RBFOX1: variants seen among roughly 807,000 people sequenced by gnomAD.
RBFOX1 encodes the protein RNA binding protein fox-1 homolog 1.
Under a neutral mutation model 57.7 loss-of-function variants are expected in RBFOX1, and 8 were observed. The ratio of observed to expected loss-of-function variants is 0.14; its 90% CI spans 0.08 to 0.25. The LOEUF (loss-of-function observed/expected upper bound fraction) is 0.25. Ranked by LOEUF, RBFOX1 falls within the 10% of genes least tolerant of loss-of-function variation. RBFOX1 has a pLI of 1.00. For synonymous variants in RBFOX1, 326 were observed against 222.4 expected, an observed-to-expected ratio of 1.47 and a Z score of -4.15; for missense variants, 611 against 548.5, an observed-to-expected ratio of 1.11 and a Z score of -1.14.
intron 2 of RBFOX1, among the ~76,000 whole-genome samples, chr16:6,452,101 T>C (rs140988607): frequency 0.02 from 2,886 of 144,118 alleles, 55 homozygotes; most frequent in Non-Finnish European, 0.029. Flanking sequence ...CTTCCTTCCA[T>C]GGCTCCATCC....
intron 3 of RBFOX1, among the ~76,000 whole-genome samples, chr16:7,003,031 C>G: frequency 7.5e-6 from 1 of 133,652 alleles, no homozygotes; most frequent in South Asian, 2.5e-4. Context: ...TTTTCTTCTT[C>G]TTTTTTCTCT....
chr16:6,784,732 G>C (rs888860693), intron 3 of RBFOX1, among the ~76,000 whole-genome samples: 1 of 151,910 alleles, frequency 6.6e-6, no homozygotes, highest in African/African-American at 2.4e-5. Flanking sequence ...TGTGTGGATA[G>C]TTGTTCAATT....
chr16:7,210,922 A>G (rs2090999637), intron 4 of RBFOX1, among the ~76,000 whole-genome samples: 1 of 151,744 alleles, frequency 6.6e-6, no homozygotes, highest in Non-Finnish European at 1.5e-5. Context: ...AAAGAAAAAA[A>G]AATTTCAAGA....
chr16:7,306,125 A>G (rs1015569127), intron 4 of RBFOX1, among the ~76,000 whole-genome samples: 2 of 152,176 alleles, frequency 1.3e-5, no homozygotes, highest in African/African-American at 2.4e-5. Context: ...GTAGAATGCT[A>G]TAGGTACTCA....
intron 5 of RBFOX1, among the ~76,000 whole-genome samples, chr16:7,536,986 A>G (rs942049928): frequency 1.6e-4 from 24 of 152,178 alleles, no homozygotes; most frequent in African/African-American, 5.5e-4. Flanking sequence ...CAAGTTGAGG[A>G]TAAACAGGTG....
At chr16:7,702,438 G>A (rs944219631) in intron 14 of RBFOX1, among the ~76,000 whole-genome samples, 15 of 152,186 alleles carry the variant, frequency 9.9e-5, no homozygotes, top group African/African-American at 3.1e-4. Flanking sequence ...TCTTTCAGTA[G>A]GACTGTGAGA....
At chr16:6,057,459 C>G (rs2095628346) in intron 1 of RBFOX1, among the ~76,000 whole-genome samples, 1 of 151,924 alleles carries the variant, frequency 6.6e-6, no homozygotes, top group African/African-American at 2.4e-5. Flanking sequence ...TTTATTCAAC[C>G]AATATTTATT....
intron 3 of RBFOX1, among the ~76,000 whole-genome samples, chr16:6,926,977 G>C (rs2075705556): frequency 6.6e-6 from 1 of 152,094 alleles, no homozygotes; most frequent in African/African-American, 2.4e-5. Context: ...GCCTCTGCCA[G>C]CTTCTCAGAC....
At chr16:5,839,751 C>A (rs1409845957) in intron 3 of RBFOX1, among the ~76,000 whole-genome samples, 2 of 152,180 alleles carry the variant, frequency 1.3e-5, no homozygotes, top group Non-Finnish European at 2.9e-5. Flanking sequence ...GCATCACAAC[C>A]TCCCACTGTG....
At chr16:5,787,390 T>C (rs552933085) in intron 3 of RBFOX1, among the ~76,000 whole-genome samples, 8 of 152,280 alleles carry the variant, frequency 5.3e-5, no homozygotes, top group Admixed American at 2.6e-4. Flanking sequence ...ATAAAGACTT[T>C]ATGCCCTAGG....
chr16:6,237,890 G>C (rs577577823), intron 1 of RBFOX1, among the ~76,000 whole-genome samples: 121 of 151,894 alleles, frequency 8.0e-4, no homozygotes, highest in African/African-American at 2.7e-3. Flanking sequence ...GCAAGAAATG[G>C]AGATCATCCT....
intron 3 of RBFOX1, among the ~76,000 whole-genome samples, chr16:6,990,513 G>C (rs1318607208): frequency 1.3e-5 from 2 of 152,022 alleles, no homozygotes; most frequent in Admixed American, 6.6e-5. Flanking sequence ...CAACAAGAAA[G>C]AAACTCCATC....
At chr16:5,883,378 A>G (rs754751030) in intron 4 of RBFOX1, among the ~76,000 whole-genome samples, 1 of 152,218 alleles carries the variant, frequency 6.6e-6, no homozygotes, top group Admixed American at 6.5e-5. Context: ...CCTATTCCTC[A>G]TAATACTTTT....
intron 1 of RBFOX1, chr16:6,092,699 TGGTGTGTGGCA>T (rs2096193198): frequency 6.6e-6 from 1 of 152,142 alleles, no homozygotes; most frequent in South Asian, 2.1e-4. Flanking sequence ...AGATGGTTAT[TGGTGTGTGGCA>T]TTATTTCTGG....
intron 1 of RBFOX1, among the ~76,000 whole-genome samples, chr16:6,295,340 G>A (rs1184364223): frequency 6.6e-6 from 1 of 152,046 alleles, no homozygotes; most frequent in Non-Finnish European, 1.5e-5. Flanking sequence ...TGGCCAGGAT[G>A]GTCTCGATCC....
intron 2 of RBFOX1, among the ~76,000 whole-genome samples, chr16:6,536,542 TG>T (rs1461181793): frequency 5.0e-5 from 7 of 139,972 alleles, no homozygotes; most frequent in Admixed American, 1.5e-4. Context: ...AAAAGGACGA[TG>T]GGGGGCCCAG....
chr16:5,277,388 TCAC>T, intron 1 of RBFOX1, among the ~76,000 whole-genome samples: 2 of 152,214 alleles, frequency 1.3e-5, no homozygotes, highest in Admixed American at 1.3e-4. Context: ...ATTTCAGAGA[TCAC>T]CACTGAAGAA....
At chr16:7,553,189 G>A (rs1380445142) in intron 5 of RBFOX1, among the ~76,000 whole-genome samples, 1 of 151,866 alleles carries the variant, frequency 6.6e-6, no homozygotes, top group Non-Finnish European at 1.5e-5. Flanking sequence ...CTGTCTCCCA[G>A]ACTGGAGTGC....
intron 4 of RBFOX1, among the ~76,000 whole-genome samples, chr16:7,446,145 G>A (rs1395992360): frequency 6.6e-6 from 1 of 152,228 alleles, no homozygotes; most frequent in Admixed American, 6.5e-5. Context: ...TAACACCAGA[G>A]AAGGAAAGAG....
Sources: gnomAD v4.1 joint callset for allele counts (sites outside exome capture counted in the v4.1 genomes callset) on GRCh38, gnomAD v4.1.1 for gene constraint, MANE v1.5 for transcripts, NCBI Gene and HGNC (gene_info 2026-07-23, HGNC 2026-07-21) for gene names.